Variants in TBCD observed in about 807,000 individuals in gnomAD.
TBCD encodes tubulin-specific chaperone D.
In TBCD, 105 loss-of-function variants were observed where a neutral mutation model predicts 169.3. That is an observed-to-expected ratio of 0.62 (90% CI 0.53 to 0.73). The LOEUF (loss-of-function observed/expected upper bound fraction) is 0.73. Ranked by LOEUF, TBCD falls within the 30% of genes least tolerant of loss-of-function variation. The pLI is 0.00. For synonymous variants in TBCD, 700 were observed against 643.9 expected, an observed-to-expected ratio of 1.09 and a Z score of -1.32; for missense variants, 1,444 against 1,600.1, an observed-to-expected ratio of 0.90 and a Z score of 1.66.
At chr17:82,859,547 G>C in intron 13 of TBCD, 1 of 985,446 alleles carries the variant, frequency 1.0e-6, no homozygotes, top group African/African-American at 1.7e-5. Context: ...AGACACACAA[G>C]CTGTGACTTC....
At chr17:82,825,940 T>C (rs1343447181) in intron 13 of TBCD, among the ~76,000 whole-genome samples, 1 of 152,254 alleles carries the variant, frequency 6.6e-6, no homozygotes, top group Non-Finnish European at 1.5e-5. Flanking sequence ...CACTCCGGCC[T>C]GGGCCAGTGA....
chr17:82,790,492 G>A (rs892445408), intron 7 of TBCD, among the ~76,000 whole-genome samples: 112 of 152,258 alleles, frequency 7.4e-4, no homozygotes, highest in African/African-American at 2.6e-3. Flanking sequence ...CCATCCCCCC[G>A]TGTGTCCTGG....
intron 13 of TBCD, among the ~76,000 whole-genome samples, chr17:82,844,947 C>T (rs1035112617): frequency 1.3e-5 from 2 of 152,006 alleles, no homozygotes; most frequent in African/African-American, 2.4e-5. Flanking sequence ...GGAACATGGC[C>T]GAGGTACCCA....
intron 2 of TBCD, among the ~76,000 whole-genome samples, 190 bp downstream of exon 2, chr17:82,756,405 TG>T (rs1268228075): frequency 6.6e-6 from 1 of 152,174 alleles, no homozygotes; most frequent in African/African-American, 2.4e-5. Context: ...CACTCTAGGC[TG>T]GGGGGAGATG....
Position 82,832,499 on chromosome 17 carries a change from C to A in TBCD, c.1318+17565C>A. The A allele has an allele frequency of 6.4e-7, 1 of 1,564,960 alleles. No individual in the cohort carries two copies. The highest frequency in any genetic ancestry group is 1.1e-5 in the South Asian group (1 of 90,166). ...ACTCTGGCTGTCCAGGTGGCGTGATCACTGTCGACGCCGCGTGCACTTCGT... is the reference window on the plus strand; with the variant it reads ...ACTCTGGCTGTCCAGGTGGCGTGATAACTGTCGACGCCGCGTGCACTTCGT... On this transcript the variant is annotated intron_variant, in intron 13 of 38. Coordinates refer to ENST00000355528, the MANE Select transcript of TBCD (RefSeq NM_005993.5). The surrounding 1 kb of genome is among the most constrained non-coding windows in gnomAD (Gnocchi z 4.9).
intron 12 of TBCD, among the ~76,000 whole-genome samples, 191 bp from the exon 13 acceptor site, chr17:82,814,649 G>A (rs1197759646): frequency 6.6e-6 from 1 of 152,232 alleles, no homozygotes; most frequent in Admixed American, 6.5e-5. Flanking sequence ...TTGAGTAGCT[G>A]GGATTATAGG....
intron 15 of TBCD, among the ~76,000 whole-genome samples, chr17:82,888,628 C>A (rs1284483450): frequency 6.6e-6 from 1 of 152,240 alleles, no homozygotes; most frequent in Non-Finnish European, 1.5e-5. Context: ...TGCCTTGGAG[C>A]CACCCGCACG....
At chr17:82,809,671 G>C in intron 11 of TBCD, 37 bp from the exon 12 acceptor site, 2 of 1,604,822 alleles carry the variant, frequency 1.2e-6, no homozygotes, top group Non-Finnish European at 8.5e-7. Flanking sequence ...CGACAGGCTG[G>C]TGGTGCCCCT....
At chr17:82,857,388 A>G (rs2056398379) in intron 13 of TBCD, among the ~76,000 whole-genome samples, 1 of 151,834 alleles carries the variant, frequency 6.6e-6, no homozygotes, top group South Asian at 2.1e-4. Context: ...ATTTGCAAGT[A>G]TTTTCTCCCA....
chr17:82,769,417 C>T (rs756214880), intron 5 of TBCD, among the ~76,000 whole-genome samples: 17 of 152,200 alleles, frequency 1.1e-4, no homozygotes, highest in East Asian at 3.8e-4. Context: ...CCTACGCAAG[C>T]GAGCACTAGG....
intron 2 of TBCD, among the ~76,000 whole-genome samples, chr17:82,760,624 C>G (rs2047703042): frequency 6.6e-6 from 1 of 152,194 alleles, no homozygotes; most frequent in Admixed American, 6.5e-5. Context: ...ACATACATTT[C>G]TTAACATCTT....
rs141957273 is a variant in TBCD at position 82,860,344 on chromosome 17, G to A, written c.1319-9880G>A. ...GTCCCCTCCCCTCTGGTGGCCTTTCGCAGTGGTGGAGGGGCAGGAACTGAC... is the reference window on the plus strand; with the variant it reads ...GTCCCCTCCCCTCTGGTGGCCTTTCACAGTGGTGGAGGGGCAGGAACTGAC... On this transcript the variant is annotated intron_variant, in intron 13 of 38. Transcript: ENST00000355528. 7.0e-4 allele frequency: 688 copies of A among 983,142 alleles called. 1 individual carries two copies. Among genetic ancestry groups the A allele is most frequent in the Non-Finnish European group, 7.6e-4 (633 of 827,926 alleles). 60.9% of individuals were successfully genotyped at this position (983,142 alleles called of 1,614,324 possible).
chr17:82,773,669 G>A (rs985391783), intron 6 of TBCD, among the ~76,000 whole-genome samples: 6 of 151,754 alleles, frequency 4.0e-5, no homozygotes, highest in African/African-American at 1.2e-4. Flanking sequence ...GGCCTGGTGC[G>A]CCATTGTCTT....
At chr17:82,781,050 C>T (rs989353939) in intron 6 of TBCD, among the ~76,000 whole-genome samples, 1 of 151,810 alleles carries the variant, frequency 6.6e-6, no homozygotes, top group South Asian at 2.1e-4. Flanking sequence ...AACACGAGGC[C>T]GAGTCCAACA....
intron 13 of TBCD, among the ~76,000 whole-genome samples, chr17:82,846,806 C>T (rs1477687891): frequency 6.6e-6 from 1 of 152,208 alleles, no homozygotes; most frequent in Non-Finnish European, 1.5e-5. Context: ...CTGAACAGAG[C>T]GCAGCTGAGA....
chr17:82,896,996 A>ACT (rs997099154), intron 17 of TBCD, among the ~76,000 whole-genome samples: 3 of 152,098 alleles, frequency 2.0e-5, no homozygotes, highest in Admixed American at 2.0e-4. Flanking sequence ...TGTTCTAGTG[A>ACT]CTGATGATGC....
At chr17:82,790,836 G>A (rs1028103853) in intron 7 of TBCD, among the ~76,000 whole-genome samples, 3 of 152,194 alleles carry the variant, frequency 2.0e-5, no homozygotes, top group Non-Finnish European at 2.9e-5. Flanking sequence ...TCAGAGCTGT[G>A]CCACCCCCAC....
intron 13 of TBCD, chr17:82,830,665 G>A: frequency 6.2e-7 from 1 of 1,614,158 alleles, no homozygotes; most frequent in Non-Finnish European, 8.5e-7. Context: ...GAGATTGAGT[G>A]GAAGGTCCTG....
In TBCD at chr17:82,832,159, T is replaced by C; in HGVS notation, c.1318+17225T>C. ...GGCAGAGCTGTGCTGAAGCTTCGAG[T>C]CGAAGGCAGAGAGTCCATTTGCGAC... is the stretch of plus-strand genomic sequence containing the variant. On this transcript the variant is annotated intron_variant, in intron 13 of 38. Coordinates refer to ENST00000355528, the MANE Select transcript of TBCD (RefSeq NM_005993.5). The surrounding 1 kb of genome is among the most constrained non-coding windows in gnomAD (Gnocchi z 4.9). 1 of 1,614,142 alleles carries C rather than the reference T, an allele frequency of 6.2e-7. No homozygotes were observed. The highest frequency in any genetic ancestry group is 1.1e-5 in the South Asian group (1 of 91,088).
Sources: gnomAD v4.1 joint callset for allele counts (sites outside exome capture counted in the v4.1 genomes callset) on GRCh38, gnomAD v4.1.1 for gene constraint, Gnocchi (gnomAD v3.1) non-coding constraint, MANE v1.5 for transcripts, NCBI Gene and HGNC (gene_info 2026-07-23, HGNC 2026-07-21) for gene names.